Variants in NICN1 observed in about 807,000 individuals in gnomAD.
The protein encoded by NICN1 is nicolin-1.
In NICN1, 18 loss-of-function variants were observed where a neutral mutation model predicts 26.3. The ratio of observed to expected loss-of-function variants is 0.68; its 90% confidence interval spans 0.47 to 1.01. NICN1 has a LOEUF of 1.01. NICN1 is among the 50% of genes least tolerant of loss of function. The probability of loss-of-function intolerance (pLI) is 0.00; values close to 1 mark genes in which losing one functional copy is unlikely to be tolerated. For synonymous variants in NICN1, 109 were observed against 111.0 expected (o/e 0.98, Z 0.11); for missense variants, 239 against 278.3 (o/e 0.86, Z 1.00).
rs779766109 is a variant in NICN1, at chr3:49,422,546, C to G, written c.*2287G>C. 3 of 1,343,288 alleles carry G rather than the reference C, an allele frequency of 2.2e-6. No homozygotes were observed. In the South Asian group the frequency reaches 3.7e-5, roughly 16 times the overall value. The allele number at this position is 1,343,288 out of a possible 1,614,324, so 83.2% of individuals were successfully genotyped here. A position where few individuals can be genotyped will look rare whatever the true frequency, so the allele number is the denominator to read the frequency against. The stretch of plus-strand genomic sequence containing the variant: ...CAGGCCTCTGCTCGGACAGGTCTCT[C>G]TCCGGAGCAAAGGATCTGAAGGGGG... On this transcript the variant is annotated 3_prime_UTR_variant, in exon 6 of 6. Coordinates refer to ENST00000273598, the MANE Select transcript of NICN1 (RefSeq NM_032316.3).
Position 49,424,232 on chromosome 3 carries a change from CAT to C in NICN1, c.*599_*600del, listed in dbSNP as rs1216206050. ...GGCCCTATGGGCACACCCACTTGAA[CAT>C]ATATTCAGGAGCCAGCTCAGAAACC... On this transcript the variant is annotated 3_prime_UTR_variant, in exon 6 of 6. Coordinates refer to ENST00000273598, the MANE Select transcript of NICN1 (RefSeq NM_032316.3). The C allele has an allele frequency of 1.2e-5, 2 of 160,612 alleles. No homozygotes were observed. Among genetic ancestry groups the C allele is most frequent in the Non-Finnish European group, 2.7e-5 (2 of 73,436 alleles). The allele number at this position is 160,612 out of a possible 1,614,324, so 9.9% of individuals were successfully genotyped here. A position where few individuals can be genotyped will look rare whatever the true frequency, so the allele number is the denominator to read the frequency against.
intron 1 of NICN1, 142 bp from the exon 2 acceptor site, chr3:49,426,570 C>T: frequency 3.0e-6 from 2 of 656,824 alleles, no homozygotes; most frequent in Non-Finnish European, 5.2e-6. Flanking sequence ...CTCTTTTGCC[C>T]AGGCTGGAGT....
At chr3:49,426,488 C>T in intron 1 of NICN1, 60 bp from the exon 2 acceptor site, 1 of 1,268,790 alleles carries the variant, frequency 7.9e-7, no homozygotes, top group Non-Finnish European at 1.1e-6. Flanking sequence ...CTGAAAAGCT[C>T]AAAGATCAAA....
In NICN1 at chr3:49,424,474, G is replaced by T; in HGVS notation, c.*359C>A. Reference sequence around the variant, plus strand: ...TCCATACATGGAGCAGGTTTTAGTAGGTCAGCCCAGCCCAACTGCACTGAC... The same window carrying T: ...TCCATACATGGAGCAGGTTTTAGTATGTCAGCCCAGCCCAACTGCACTGAC... On this transcript the variant is annotated 3_prime_UTR_variant, in exon 6 of 6. Coordinates refer to ENST00000273598, the MANE Select transcript of NICN1 (RefSeq NM_032316.3). The T allele has an allele frequency of 2.4e-6, 1 of 424,250 alleles. No homozygotes were observed. Among genetic ancestry groups the T allele is most frequent in the Non-Finnish European group, 4.3e-6 (1 of 231,548 alleles). 26.3% of individuals were successfully genotyped at this position (424,250 alleles called of 1,614,324 possible).
At position 49,424,251 on chromosome 3, in the gene NICN1, T is replaced by A. The variant is rs2107940587; in HGVS notation, c.*582A>T. 6.1e-6 allele frequency: 1 copy of A among 162,990 alleles called. No individual in the cohort carries two copies. The highest frequency in any genetic ancestry group is 1.3e-5 in the Non-Finnish European group (1 of 74,698). The allele number at this position is 162,990 out of a possible 1,614,324, so 10.1% of individuals were successfully genotyped here. ...CTTGAACATATATTCAGGAGCCAGC[T>A]CAGAAACCAAGAGACTCAGGCTGCC... On this transcript the variant is annotated 3_prime_UTR_variant, in exon 6 of 6. Coordinates refer to ENST00000273598, the MANE Select transcript of NICN1 (RefSeq NM_032316.3).
Position 49,422,947 on chromosome 3 carries a change from G to A in NICN1, c.*1886C>T. 1 of 282,826 alleles carries A rather than the reference G, an allele frequency of 3.5e-6. No individual in the cohort carries two copies. The highest frequency in any genetic ancestry group is 3.4e-5 in the South Asian group (1 of 29,140). The allele number at this position is 282,826 out of a possible 1,614,324, so 17.5% of individuals were successfully genotyped here. On this transcript the variant is annotated 3_prime_UTR_variant, in exon 6 of 6. Transcript: ENST00000273598. ...GCAGACACAGGCAGCCAGCAGTCAT[G>A]CATTCCACAAGTATTTATTGATCTT...
chr3:49,429,315 G>T lies in NICN1; in HGVS notation c.-76C>A, dbSNP rs1344021378. On this transcript the variant is annotated 5_prime_UTR_variant, in exon 1 of 6. Transcript: ENST00000273598. ...CCAGCCCTTCCCGGCATCCTCAGCC[G>T]AGCCTCAAGAACTACAAATCCCGGG... is the stretch of plus-strand genomic sequence containing the variant. The T allele has an allele frequency of 4.1e-6, 6 of 1,475,136 alleles. No homozygotes were observed. The highest frequency in any genetic ancestry group is 4.5e-5 in the Admixed American group (2 of 43,976). 91.4% of individuals were successfully genotyped at this position (1,475,136 alleles called of 1,614,324 possible). A position where few individuals can be genotyped will look rare whatever the true frequency, so the allele number is the denominator to read the frequency against.
rs1194117171 is a variant in NICN1 at position 49,426,234 on chromosome 3, TC to T, written c.309+17del. On this transcript the variant is annotated intron_variant, in intron 2 of 5. Transcript: ENST00000273598. ...GTCCTCATCTGGGCTGCCCTGGCCA[TC>T]CTGAGGCCCAGCTGACCTGATGCTT... 3.7e-6 allele frequency: 6 copies of T among 1,612,672 alleles called. No homozygotes were observed. Among genetic ancestry groups the T allele is most frequent in the Non-Finnish European group, 5.1e-6 (6 of 1,179,310 alleles).
Position 49,429,191 on chromosome 3 carries a change from G to A in NICN1, c.49C>T (p.Gln17Ter). 5 of 1,611,344 alleles carry A rather than the reference G, an allele frequency of 3.1e-6. No homozygotes were observed. The highest frequency in any genetic ancestry group is 4.2e-6 in the Non-Finnish European group (5 of 1,178,896). The change falls in exon 1 of 6, where the codon CAG becomes TAG. Residue 17 changes from glutamine (Q) to a stop codon, truncating the protein, a stop_gained. Transcript: ENST00000273598. LOFTEE classifies it high-confidence loss of function. ...PCHVKGSVAL[Q>*]VGDVRTSQGR... is the part of the protein sequence containing the mutation. ...TGGGAGGTCCGCACGTCGCCCACCT[G>A]GAGGGCTACGGAGCCTTTCACATGG... is the stretch of plus-strand genomic sequence containing the variant.
At chr3:49,429,033 A>C in intron 1 of NICN1, 75 bp downstream of exon 1, 1 of 1,410,016 alleles carries the variant, frequency 7.1e-7, no homozygotes, top group Non-Finnish European at 9.6e-7. Context: ...TAAAAGATTA[A>C]ATGCCTGGGA....
chr3:49,427,605 T>C (rs545399363), intron 1 of NICN1, among the ~76,000 whole-genome samples: 2 of 143,906 alleles, frequency 1.4e-5, no homozygotes, highest in South Asian at 4.3e-4. Flanking sequence ...ATCAAGCCAC[T>C]GTACTCCAGC....
chr3:49,425,394 G>C lies in NICN1; in HGVS notation c.468C>G (p.Pro156=). 6.2e-7 allele frequency: 1 copy of C among 1,613,376 alleles called. No individual in the cohort carries two copies. Among genetic ancestry groups the C allele is most frequent in the Non-Finnish European group, 8.5e-7 (1 of 1,179,868 alleles). The change falls in exon 4 of 6, where the codon CCC becomes CCG. Residue 156 remains proline (P), a synonymous_variant. Coordinates refer to ENST00000273598, the MANE Select transcript of NICN1 (RefSeq NM_032316.3). Reference sequence around the variant, plus strand: ...CACGGAGGAGTGCAGGTTGCTCACAGGGCACTGGGTGGGAGAGCCACTTGG... The same window carrying C: ...CACGGAGGAGTGCAGGTTGCTCACACGGCACTGGGTGGGAGAGCCACTTGG... The part of the protein sequence containing the change: ...TFPKWLSHPV[P]CEQPALLREG...
chr3:49,426,464 C>A, intron 1 of NICN1, 36 bp from the exon 2 acceptor site: 1 of 1,586,000 alleles, frequency 6.3e-7, no homozygotes, highest in Non-Finnish European at 8.6e-7. Context: ...CAAGTCAGAC[C>A]CAGGCCCAGG....
chr3:49,422,350 C>G lies in NICN1; in HGVS notation c.*2483G>C, dbSNP rs1247651148. 6.2e-7 allele frequency: 1 copy of G among 1,613,912 alleles called. No individual in the cohort carries two copies. Among genetic ancestry groups the G allele is most frequent in the South Asian group, 1.1e-5 (1 of 91,070 alleles). On this transcript the variant is annotated 3_prime_UTR_variant, in exon 6 of 6. Coordinates refer to ENST00000273598, the MANE Select transcript of NICN1 (RefSeq NM_032316.3). Reference sequence around the variant, plus strand: ...TCCCCCACCCTCCAAGATCAGCACCCTCTATCCCACCTGTGCGCAACTAAG... The same window carrying G: ...TCCCCCACCCTCCAAGATCAGCACCGTCTATCCCACCTGTGCGCAACTAAG...
At chr3:49,425,835 G>C (rs768301615) in intron 3 of NICN1, 48 bp downstream of exon 3, 2 of 1,035,658 alleles carry the variant, frequency 1.9e-6, no homozygotes, top group East Asian at 4.8e-5. Context: ...CCCAGTCATA[G>C]AAGCTTTCTG....
intron 4 of NICN1, 121 bp from the exon 5 acceptor site, chr3:49,425,174 T>G (rs1575311862): frequency 2.3e-6 from 2 of 868,892 alleles, no homozygotes; most frequent in East Asian, 5.2e-5. Context: ...CTCAGATGGC[T>G]TATGAAACAT....
Position 49,422,730 on chromosome 3 carries a change from G to A in NICN1, c.*2103C>T, listed in dbSNP as rs141962882. 23 of 567,706 alleles carry A rather than the reference G, an allele frequency of 4.1e-5. No individual in the cohort carries two copies. The highest frequency in any genetic ancestry group is 5.6e-5 in the African/African-American group (3 of 53,740). 35.2% of individuals were successfully genotyped at this position (567,706 alleles called of 1,614,324 possible). On this transcript the variant is annotated 3_prime_UTR_variant, in exon 6 of 6. Transcript: ENST00000273598. Reference sequence around the variant, plus strand: ...CCAGAACAAAGCTAGGGGCTAGACCGCCCCCTGCAGAACCGCCCTGTCTCC... The same window carrying A: ...CCAGAACAAAGCTAGGGGCTAGACCACCCCCTGCAGAACCGCCCTGTCTCC...
rs1406123155 is a variant in NICN1 at position 49,422,718 on chromosome 3, A to AG, written c.*2114dup. ...TGATTGGGCTGCCCAGAACAAAGCT[A>AG]GGGGCTAGACCGCCCCCTGCAGAAC... On this transcript the variant is annotated 3_prime_UTR_variant, in exon 6 of 6. Coordinates refer to ENST00000273598, the MANE Select transcript of NICN1 (RefSeq NM_032316.3). 2 of 612,192 alleles carry AG rather than the reference A, an allele frequency of 3.3e-6. No individual in the cohort carries two copies. Among genetic ancestry groups the AG allele is most frequent in the Non-Finnish European group, 6.0e-6 (2 of 334,272 alleles). 37.9% of individuals were successfully genotyped at this position (612,192 alleles called of 1,614,324 possible).
chr3:49,426,476 G>A, intron 1 of NICN1, 48 bp from the exon 2 acceptor site: 2 of 1,522,424 alleles, frequency 1.3e-6, no homozygotes, highest in Non-Finnish European at 1.8e-6. Context: ...AGGCCCAGGG[G>A]CCTGAAAAGC....
Sources: gnomAD v4.1 joint callset for allele counts (sites outside exome capture counted in the v4.1 genomes callset) on GRCh38, gnomAD v4.1.1 for gene constraint, MANE v1.5 for transcripts, NCBI Gene and HGNC (gene_info 2026-07-23, HGNC 2026-07-21) for gene names.